STK38: variants seen among roughly 807,000 people sequenced by gnomAD.
STK38 encodes serine/threonine-protein kinase 38.
A neutral mutation model predicts 59.0 loss-of-function variants in STK38; 26 were observed. That is an observed-to-expected ratio of 0.44 (90% CI 0.32 to 0.61). The LOEUF (loss-of-function observed/expected upper bound fraction) is 0.61, where lower values mean the gene tolerates loss of function less well. Ranked by LOEUF, STK38 falls within the 20% of genes least tolerant of loss-of-function variation. The pLI is 0.04. For synonymous variants in STK38, 175 were observed against 176.6 expected, an observed-to-expected ratio of 0.99 and a Z score of 0.07; for missense variants, 433 against 566.0, an observed-to-expected ratio of 0.76 and a Z score of 2.38.
intron 2 of STK38, among the ~76,000 whole-genome samples, chr6:36,527,201 A>ATATATATATATAT (rs1391904486): frequency 8.0e-6 from 1 of 124,486 alleles, no homozygotes; most frequent in African/African-American, 3.2e-5. Flanking sequence ...CAAAAAAAAA[A>ATATATATATATAT]AAAAAAATAT....
At chr6:36,499,108 G>A (rs1479346032) in intron 10 of STK38, among the ~76,000 whole-genome samples, 2 of 152,196 alleles carry the variant, frequency 1.3e-5, no homozygotes, top group Non-Finnish European at 2.9e-5. Context: ...AGAGTTGCAG[G>A]TGTGGGAATC....
intron 2 of STK38, among the ~76,000 whole-genome samples, chr6:36,531,891 C>T (rs1777673930): frequency 6.6e-6 from 1 of 152,026 alleles, no homozygotes; most frequent in South Asian, 2.1e-4. Context: ...CAACTATAAA[C>T]TAGTGTTCTT....
chr6:36,542,894 C>T (rs999754611), intron 1 of STK38, among the ~76,000 whole-genome samples: 30 of 151,570 alleles, frequency 2.0e-4, no homozygotes, highest in African/African-American at 7.0e-4. Context: ...TGCAGTGAGC[C>T]GAGATCATGC....
intron 10 of STK38, among the ~76,000 whole-genome samples, chr6:36,498,956 G>A (rs1776772291): frequency 6.6e-6 from 1 of 152,044 alleles, no homozygotes; most frequent in Non-Finnish European, 1.5e-5. Context: ...GACACAGACA[G>A]GATTTCCACT....
intron 6 of STK38, among the ~76,000 whole-genome samples, chr6:36,516,968 CTT>C (rs893742332): frequency 2.0e-5 from 3 of 152,184 alleles, no homozygotes; most frequent in Non-Finnish European, 2.9e-5. Context: ...CTACCAGACT[CTT>C]TTCTAACATT....
In STK38 at chr6:36,542,504, C is replaced by T. The variant is rs546736331; in HGVS notation, c.-5-2297G>A. Among the ~76,000 whole-genome samples, 3 of 152,236 alleles carry T rather than the reference C, an allele frequency of 2.0e-5. No homozygotes were observed. The East Asian group carries it at 5.8e-4, about 29-fold the overall frequency. ...CCTAAATTTAAAATATTGTTTTCAA[C>T]CAGGAGTGTGGCACACACCAGTAGT... On this transcript the variant is annotated intron_variant, in intron 1 of 13. Transcript: ENST00000229812.
chr6:36,529,571 G>T (rs940748358), intron 2 of STK38, among the ~76,000 whole-genome samples: 2 of 152,124 alleles, frequency 1.3e-5, no homozygotes, highest in Non-Finnish European at 1.5e-5. Context: ...GCCATATCCA[G>T]CCTCACCCCA....
At chr6:36,511,028 G>A (rs6902434) in intron 7 of STK38, among the ~76,000 whole-genome samples, 5,095 of 152,220 alleles carry the variant, frequency 0.033, 294 homozygotes, top group African/African-American at 0.11. Context: ...AATCAAAAAT[G>A]TAAGAGGGAA....
In STK38 at chr6:36,524,523, A is replaced by G. The variant is rs1777464478; in HGVS notation, c.184-60T>C. Reference sequence around the variant, plus strand: ...GGAACTGAAATTCTGAAACTCTGTAACAAGTCATGTTTGTGACTTACCCAG... The same window carrying G: ...GGAACTGAAATTCTGAAACTCTGTAGCAAGTCATGTTTGTGACTTACCCAG... On this transcript the variant is annotated intron_variant, in intron 3 of 13. Coordinates refer to ENST00000229812, the MANE Select transcript of STK38 (RefSeq NM_007271.4). The G allele has an allele frequency of 5.2e-6, 8 of 1,543,020 alleles. No homozygotes were observed. In the South Asian group the frequency reaches 8.6e-5, roughly 17 times the overall value.
At chr6:36,523,357 G>A (rs1777430227) in intron 4 of STK38, among the ~76,000 whole-genome samples, 1 of 150,650 alleles carries the variant, frequency 6.6e-6, no homozygotes, top group Non-Finnish European at 1.5e-5. Flanking sequence ...CTGCCTCCTG[G>A]GTTCAAGCAA....
At chr6:36,496,017 G>A in intron 13 of STK38, 103 bp from the exon 14 acceptor site, 1 of 1,287,308 alleles carries the variant, frequency 7.8e-7, no homozygotes, top group Non-Finnish European at 1.1e-6. Flanking sequence ...GTTTCTATTT[G>A]GGAAAGCTTA....
chr6:36,531,618 G>A (rs1777668109), intron 2 of STK38, among the ~76,000 whole-genome samples: 1 of 152,166 alleles, frequency 6.6e-6, no homozygotes, highest in African/African-American at 2.4e-5. Context: ...AGATGCACTT[G>A]CCCTATTGAG....
chr6:36,497,144 G>A (rs183309325), intron 12 of STK38, among the ~76,000 whole-genome samples: 19 of 152,306 alleles, frequency 1.2e-4, no homozygotes, highest in African/African-American at 4.6e-4. Context: ...GTAGGGCTCT[G>A]CCCTTCTTCC....
intron 2 of STK38, among the ~76,000 whole-genome samples, chr6:36,526,180 G>T (rs1561986230): frequency 2.0e-5 from 3 of 149,522 alleles, no homozygotes; most frequent in Admixed American, 1.3e-4. Flanking sequence ...ATGCAACAAA[G>T]ACTCTTGTTT....
chr6:36,527,088 A>T (rs1046191126), intron 2 of STK38, among the ~76,000 whole-genome samples: 1 of 150,294 alleles, frequency 6.7e-6, no homozygotes, highest in African/African-American at 2.5e-5. Flanking sequence ...GCTACTCAGG[A>T]GGCTGAAGCA....
intron 1 of STK38, among the ~76,000 whole-genome samples, chr6:36,540,642 T>G (rs980370260): frequency 6.6e-6 from 1 of 152,214 alleles, no homozygotes; most frequent in Non-Finnish European, 1.5e-5. Context: ...TTTTTTCTTT[T>G]TGAGATGGAG....
intron 9 of STK38, among the ~76,000 whole-genome samples, chr6:36,505,615 C>A (rs1463781733): frequency 6.6e-6 from 1 of 152,170 alleles, no homozygotes; most frequent in African/African-American, 2.4e-5. Context: ...CTGACTGAAA[C>A]ACAGTATTTG....
At chr6:36,539,640 T>TATTC (rs2127491471) in intron 2 of STK38, among the ~76,000 whole-genome samples, 1 of 152,144 alleles carries the variant, frequency 6.6e-6, no homozygotes, top group Admixed American at 6.5e-5. Flanking sequence ...TTCATACAGC[T>TATTC]ATTCAATGAA....
chr6:36,532,893 C>T (rs1021976179), intron 2 of STK38, among the ~76,000 whole-genome samples: 1 of 151,554 alleles, frequency 6.6e-6, no homozygotes, highest in East Asian at 1.9e-4. Flanking sequence ...AGCAAAACTC[C>T]GTCTCAAAAA....
Sources: gnomAD v4.1 joint callset for allele counts (sites outside exome capture counted in the v4.1 genomes callset) on GRCh38, gnomAD v4.1.1 for gene constraint, MANE v1.5 for transcripts, NCBI Gene and HGNC (gene_info 2026-07-23, HGNC 2026-07-21) for gene names.